HS3ST4: variants seen among roughly 807,000 people sequenced by gnomAD.
The protein encoded by HS3ST4 is heparan sulfate-glucosamine 3-sulfotransferase 4.
Under a neutral mutation model 29.2 loss-of-function variants are expected in HS3ST4, and 17 were observed. The ratio of observed to expected loss-of-function variants is 0.58; its 90% CI spans 0.40 to 0.87. The LOEUF is 0.87. Ranked by LOEUF, HS3ST4 falls within the 40% of genes least tolerant of loss-of-function variation. The pLI, the probability that HS3ST4 is intolerant of heterozygous loss-of-function variation, is 0.00. For missense variants in HS3ST4, 627 were observed against 634.5 expected (o/e 0.99, Z 0.13); for synonymous variants, 314 against 285.7 (o/e 1.10, Z -1.00).
At chr16:25,933,246 G>A (rs1968483653) in intron 1 of HS3ST4, 1 of 428,740 alleles carries the variant, frequency 2.3e-6, no homozygotes, top group Non-Finnish European at 4.7e-6. Context: ...TTCTCATATG[G>A]CTCTTCACCA....
At chr16:25,712,003 T>G (rs910547159) in intron 1 of HS3ST4, among the ~76,000 whole-genome samples, 7 of 152,224 alleles carry the variant, frequency 4.6e-5, no homozygotes, top group African/African-American at 1.7e-4. Context: ...ATAATTTGCT[T>G]CTTTCACTTG....
intron 1 of HS3ST4, among the ~76,000 whole-genome samples, chr16:26,051,877 C>CCTCT (rs1357753779): frequency 3.1e-5 from 4 of 128,788 alleles, no homozygotes; most frequent in African/African-American, 1.4e-4. Flanking sequence ...TGCCTCCCTC[C>CCTCT]CTGCCTCCCT....
rs984260020 is a variant in HS3ST4 at position 25,834,176 on chromosome 16, T to A, written c.734+141025T>A. Among the ~76,000 whole-genome samples the A allele has an allele frequency of 3.9e-5, 6 of 152,254 alleles. 1 individual carries two copies. Among genetic ancestry groups the A allele is most frequent in the African/African-American group, 1.2e-4 (5 of 41,472 alleles). On this transcript the variant is annotated intron_variant, in intron 1 of 1. Coordinates refer to ENST00000331351, the MANE Select transcript of HS3ST4 (RefSeq NM_006040.3). ...TTTATGACCTACCACTTCTCTTAAA[T>A]ATAGCTTACAGCAATGGTTGTCAAA... is the stretch of plus-strand genomic sequence containing the variant.
At chr16:25,947,425 TTTTTC>T (rs1275783702) in intron 1 of HS3ST4, among the ~76,000 whole-genome samples, 1 of 152,184 alleles carries the variant, frequency 6.6e-6, no homozygotes, top group Non-Finnish European at 1.5e-5. Context: ...CAAGCATTCA[TTTTTC>T]TCCTTCATGA....
chr16:26,003,041 G>C (rs1325134154), intron 1 of HS3ST4, among the ~76,000 whole-genome samples: 1 of 151,764 alleles, frequency 6.6e-6, no homozygotes, highest in African/African-American at 2.4e-5. Context: ...ACGCTTGGCA[G>C]GTTCCCATCA....
chr16:25,848,756 A>G (rs12448903), intron 1 of HS3ST4, among the ~76,000 whole-genome samples: 1 of 151,218 alleles, frequency 6.6e-6, no homozygotes, highest in Admixed American at 6.6e-5. Context: ...TTTCTGTTTC[A>G]TTTATTTCTG....
chr16:25,722,613 T>C (rs1432052718), intron 1 of HS3ST4, among the ~76,000 whole-genome samples: 1 of 152,128 alleles, frequency 6.6e-6, no homozygotes, highest in East Asian at 1.9e-4. Context: ...TTGGAAGAAA[T>C]GATGTGGTAC....
At chr16:25,734,256 T>C (rs938837370) in intron 1 of HS3ST4, among the ~76,000 whole-genome samples, 9 of 152,378 alleles carry the variant, frequency 5.9e-5, no homozygotes, top group Admixed American at 5.9e-4. Flanking sequence ...AATCTGAATT[T>C]TTATATGAAA....
intron 1 of HS3ST4, among the ~76,000 whole-genome samples, chr16:26,064,758 C>A (rs1187140267): frequency 6.6e-6 from 1 of 152,018 alleles, no homozygotes; most frequent in African/African-American, 2.4e-5. Context: ...GCTGGGATCA[C>A]AGGCATGTGC....
chr16:26,135,540 A>T, intron 1 of HS3ST4, 72 bp from the exon 2 acceptor site: 1 of 1,442,344 alleles, frequency 6.9e-7, no homozygotes, highest in South Asian at 1.4e-5. Context: ...TATATCACAC[A>T]TTTTGTGCAA....
chr16:25,795,103 C>G (rs552693969), intron 1 of HS3ST4, among the ~76,000 whole-genome samples: 1 of 151,774 alleles, frequency 6.6e-6, no homozygotes, highest in Non-Finnish European at 1.5e-5. Context: ...TTCCGAGTAG[C>G]TGGGATTACA....
rs1021949578 is a variant in HS3ST4, at chr16:25,846,129, T to C, written c.734+152978T>C. Among the ~76,000 whole-genome samples the C allele has an allele frequency of 4.6e-5, 7 of 152,212 alleles. No individual in the cohort carries two copies. In the South Asian group the frequency reaches 6.2e-4, roughly 14 times the overall value. Reference sequence around the variant, plus strand: ...GCAGTGCGGTCTCTTTCTTGGCTTTTTCCTCTTGATCGTAAAGTAGCAGTG... The same window carrying C: ...GCAGTGCGGTCTCTTTCTTGGCTTTCTCCTCTTGATCGTAAAGTAGCAGTG... On this transcript the variant is annotated intron_variant, in intron 1 of 1. Coordinates refer to ENST00000331351, the MANE Select transcript of HS3ST4 (RefSeq NM_006040.3).
chr16:25,869,704 C>G (rs1967729960), intron 1 of HS3ST4, among the ~76,000 whole-genome samples: 2 of 152,076 alleles, frequency 1.3e-5, no homozygotes, highest in Non-Finnish European at 2.9e-5. Context: ...ATGATCCTCC[C>G]AGAAACTCTA....
At chr16:26,061,260 A>T (rs1414097492) in intron 1 of HS3ST4, among the ~76,000 whole-genome samples, 2 of 152,224 alleles carry the variant, frequency 1.3e-5, no homozygotes, top group Admixed American at 6.5e-5. Context: ...AAAAAGCACT[A>T]ATAAATTAGT....
At chr16:25,927,747 G>A (rs190397402) in intron 1 of HS3ST4, among the ~76,000 whole-genome samples, 1 of 151,762 alleles carries the variant, frequency 6.6e-6, no homozygotes, top group African/African-American at 2.4e-5. Context: ...TAGAAACCTG[G>A]ATGTTTATTG....
chr16:25,856,436 C>CTTCATAACAAAATCCCTAAACAA (rs1967574646), intron 1 of HS3ST4, among the ~76,000 whole-genome samples: 2 of 152,044 alleles, frequency 1.3e-5, no homozygotes, highest in African/African-American at 2.4e-5. Context: ...ATTAAGAAAC[C>CTTCATAACAAAATCCCTAAACAA]TGCATAACAA....
chr16:25,927,521 C>G (rs1481583564), intron 1 of HS3ST4, among the ~76,000 whole-genome samples: 2 of 152,158 alleles, frequency 1.3e-5, no homozygotes, highest in South Asian at 2.1e-4. Context: ...ATTCCCGTGA[C>G]AGCTTTGATC....
At chr16:25,726,319 C>T (rs979257910) in intron 1 of HS3ST4, among the ~76,000 whole-genome samples, 3 of 151,986 alleles carry the variant, frequency 2.0e-5, no homozygotes, top group African/African-American at 7.3e-5. Flanking sequence ...CACACACACA[C>T]ACGTACACAC....
intron 1 of HS3ST4, among the ~76,000 whole-genome samples, chr16:25,927,180 A>G (rs1968413427): frequency 1.3e-5 from 2 of 152,220 alleles, no homozygotes; most frequent in South Asian, 4.1e-4. Flanking sequence ...CTCACAGGCA[A>G]TGGCCCAGGG....
Sources: allele counts gnomAD v4.1 joint callset (sites outside exome capture counted in the v4.1 genomes callset), GRCh38; gene constraint gnomAD v4.1.1; transcripts MANE v1.5; gene names NCBI Gene and HGNC (gene_info 2026-07-23, HGNC 2026-07-21).